The following DSE variants were observed in gnomAD, a reference collection of about 807,000 sequenced individuals.
DSE encodes dermatan sulfate epimerase, also known as dermatan-sulfate epimerase.
A neutral mutation model predicts 84.4 loss-of-function variants in DSE; 36 were observed. That is an observed-to-expected ratio of 0.43 (90% CI 0.33 to 0.56). The LOEUF (loss-of-function observed/expected upper bound fraction) is 0.56. Ranked by LOEUF, DSE falls within the 20% of genes least tolerant of loss-of-function variation. The pLI is 0.06. For missense variants in DSE, 862 were observed against 1,169.6 expected, an observed-to-expected ratio of 0.74 and a Z score of 3.84; for synonymous variants, 410 against 430.1, an observed-to-expected ratio of 0.95 and a Z score of 0.58.
At chr6:116,286,496 ACTG>A in intron 2 of DSE, among the ~76,000 whole-genome samples, 1 of 152,298 alleles carries the variant, frequency 6.6e-6, no homozygotes, top group East Asian at 1.9e-4. Flanking sequence ...ACTCTATCAG[ACTG>A]AATGCCATCT....
chr6:116,441,802 G>A lies in DSE; in HGVS notation c.*4457G>A, dbSNP rs1283397726. On this transcript the variant is annotated 3_prime_UTR_variant, in exon 6 of 6. Coordinates refer to ENST00000644252, the MANE Select transcript of DSE (RefSeq NM_013352.4). The stretch of plus-strand genomic sequence containing the variant: ...AAGTCCCACAGCACTTTTCAGTTGA[G>A]TTAACAAATAACGAATGACAATAAC... The A allele has an allele frequency of 6.6e-6, 1 of 152,176 alleles. No individual in the cohort carries two copies. Among genetic ancestry groups the A allele is most frequent in the Admixed American group, 6.5e-5 (1 of 15,284 alleles). The allele number at this position is 152,176 out of a possible 1,614,324, so 9.4% of individuals were successfully genotyped here.
At position 116,439,202 on chromosome 6, in the gene DSE, C is replaced by A. The variant is rs1274747678; in HGVS notation, c.*1857C>A. 1 of 151,918 alleles carries A rather than the reference C, an allele frequency of 6.6e-6. No individual in the cohort carries two copies. The highest frequency in any genetic ancestry group is 6.6e-5 in the Admixed American group (1 of 15,264). 9.4% of individuals were successfully genotyped at this position (151,918 alleles called of 1,614,324 possible). ...AAAGAAAAAAAAAAGGAAAATTATT[C>A]TTTGAGGTTACCAAGCAAACCTGAT... On this transcript the variant is annotated 3_prime_UTR_variant, in exon 6 of 6. Transcript: ENST00000644252.
chr6:116,348,982 G>C (rs61655621), intron 2 of DSE, among the ~76,000 whole-genome samples: 7 of 151,642 alleles, frequency 4.6e-5, no homozygotes, highest in African/African-American at 9.7e-5. Flanking sequence ...GTGGGTGGAG[G>C]GGGGAGGGAT....
intron 2 of DSE, among the ~76,000 whole-genome samples, chr6:116,296,885 T>A (rs1393144573): frequency 6.6e-6 from 1 of 152,102 alleles, no homozygotes; most frequent in Non-Finnish European, 1.5e-5. Flanking sequence ...TTTGGTAGGG[T>A]GGATTCGACA....
intron 2 of DSE, among the ~76,000 whole-genome samples, chr6:116,325,872 A>G (rs1451746560): frequency 6.6e-6 from 1 of 152,144 alleles, no homozygotes; most frequent in Non-Finnish European, 1.5e-5. Context: ...TGAGTGAGCA[A>G]TTCTCCTCCC....
In DSE at chr6:116,349,226, T is replaced by C. The variant is rs143304443; in HGVS notation, c.-53-49972T>C. Among the ~76,000 whole-genome samples the C allele has an allele frequency of 2.8e-4, 43 of 152,258 alleles. 1 individual carries two copies. In the East Asian group the frequency reaches 7.7e-3, roughly 27 times the overall value. Reference sequence around the variant, plus strand: ...ATATATCTACACACACACACCCATATACATACATACACACCTCTAAACCTG... The same window carrying C: ...ATATATCTACACACACACACCCATACACATACATACACACCTCTAAACCTG... On this transcript the variant is annotated intron_variant, in intron 2 of 3. Coordinates refer to the DSE transcript ENST00000430252.
intron 2 of DSE, among the ~76,000 whole-genome samples, chr6:116,300,061 A>C (rs928077856): frequency 6.6e-6 from 1 of 152,198 alleles, no homozygotes; most frequent in African/African-American, 2.4e-5. Context: ...GTCCAGAAAA[A>C]CTGTCAACTT....
At chr6:116,410,848 G>A (rs1438997991) in intron 2 of DSE, among the ~76,000 whole-genome samples, 1 of 148,856 alleles carries the variant, frequency 6.7e-6, no homozygotes, top group Non-Finnish European at 1.5e-5. Context: ...TTATCTAAAT[G>A]AAAACCTAGA....
intron 2 of DSE, among the ~76,000 whole-genome samples, chr6:116,263,115 A>G (rs1306209141): frequency 6.6e-6 from 1 of 152,190 alleles, no homozygotes; most frequent in Non-Finnish European, 1.5e-5. Flanking sequence ...AGTTCTGTAG[A>G]TGTCTATCAG....
chr6:116,429,545 G>A (rs974277227), intron 3 of DSE, among the ~76,000 whole-genome samples: 2 of 152,180 alleles, frequency 1.3e-5, no homozygotes, highest in Admixed American at 6.5e-5. Context: ...TGTGCCAGAG[G>A]TCTTGAACAA....
At chr6:116,262,133 T>C (rs185647460) in intron 2 of DSE, among the ~76,000 whole-genome samples, 136 of 152,340 alleles carry the variant, frequency 8.9e-4, no homozygotes, top group Admixed American at 1.3e-3. Flanking sequence ...GAGGATTCCC[T>C]CCTTTTCATT....
chr6:116,285,699 G>A (rs948377571), intron 2 of DSE, among the ~76,000 whole-genome samples: 1 of 152,050 alleles, frequency 6.6e-6, no homozygotes, highest in African/African-American at 2.4e-5. Flanking sequence ...ATTTTTGTAT[G>A]CGGTGTAAGG....
chr6:116,270,224 T>A (rs1481299977), intron 2 of DSE, among the ~76,000 whole-genome samples: 1 of 152,130 alleles, frequency 6.6e-6, no homozygotes, highest in Non-Finnish European at 1.5e-5. Context: ...GAAATTACAT[T>A]TCCCTCATTG....
intron 1 of DSE, among the ~76,000 whole-genome samples, 155 bp downstream of exon 1, chr6:116,371,276 G>C (rs921683322): frequency 1.3e-5 from 2 of 152,164 alleles, no homozygotes; most frequent in Admixed American, 1.3e-4. Flanking sequence ...TTGCGCGCCC[G>C]GGCCCGGCTC....
intron 1 of DSE, among the ~76,000 whole-genome samples, chr6:116,387,312 G>A (rs1203351028): frequency 6.6e-6 from 1 of 152,156 alleles, no homozygotes; most frequent in African/African-American, 2.4e-5. Context: ...AAAAAAGCAT[G>A]ACTTTGGTGA....
intron 2 of DSE, chr6:116,280,171 G>A: frequency 2.5e-6 from 1 of 404,426 alleles, no homozygotes; most frequent in Non-Finnish European, 4.8e-6. Flanking sequence ...GCATGTAGGA[G>A]CAGTTGTAAA....
intron 2 of DSE, among the ~76,000 whole-genome samples, chr6:116,313,308 C>G (rs1417922830): frequency 6.6e-6 from 1 of 152,186 alleles, no homozygotes; most frequent in Non-Finnish European, 1.5e-5. Context: ...ACAATAAATT[C>G]CTGTTATTTT....
In DSE at chr6:116,284,657, C is replaced by A. The variant is rs1201832505; in HGVS notation, c.-54+25690C>A. 2.1e-5 allele frequency among the ~76,000 whole-genome samples: 2 copies of A among 93,862 alleles called. 1 individual carries two copies. Among genetic ancestry groups the A allele is most frequent in the East Asian group, 7.6e-4 (2 of 2,620 alleles). The allele number at this position is 93,862 out of a possible 152,430, so 61.6% of individuals were successfully genotyped here. On this transcript the variant is annotated intron_variant, in intron 2 of 3. Transcript: ENST00000430252. ...AGGTATATCTCCTAATGCTATCCCT[C>A]CCCCCTCCCCCCTCCCCCAACCTCA... is the stretch of plus-strand genomic sequence containing the variant.
chr6:116,382,202 T>C (rs1244473572), intron 1 of DSE, among the ~76,000 whole-genome samples: 2 of 152,018 alleles, frequency 1.3e-5, no homozygotes, highest in Non-Finnish European at 2.9e-5. Flanking sequence ...CATTTAGAGG[T>C]TTGGGGGTTA....
Sources: allele counts gnomAD v4.1 joint callset (sites outside exome capture counted in the v4.1 genomes callset), GRCh38; gene constraint gnomAD v4.1.1; transcripts MANE v1.5; gene names NCBI Gene and HGNC (gene_info 2026-07-23, HGNC 2026-07-21).